KCNQ1: variants seen among roughly 807,000 people sequenced by gnomAD.
KCNQ1 encodes potassium voltage-gated channel subfamily Q member 1.
KCNQ1 carries 49 observed loss-of-function variants against 72.4 expected under a neutral mutation model. The ratio of observed to expected loss-of-function variants is 0.68; its 90% CI spans 0.54 to 0.86. The LOEUF (loss-of-function observed/expected upper bound fraction) is 0.86. KCNQ1 is among the 40% of genes least tolerant of loss of function. The pLI is 0.00. For synonymous variants in KCNQ1, 450 were observed against 412.6 expected, an observed-to-expected ratio of 1.09 and a Z score of -1.10; for missense variants, 790 against 945.1, an observed-to-expected ratio of 0.84 and a Z score of 2.15.
intron 10 of KCNQ1, chr11:2,644,436 T>A: frequency 2.5e-6 from 1 of 398,396 alleles, no homozygotes. Context: ...TGGTTCTTTT[T>A]ATATCTATCT....
chr11:2,844,683 C>G (rs985229865), intron 15 of KCNQ1, among the ~76,000 whole-genome samples: 1 of 152,236 alleles, frequency 6.6e-6, no homozygotes, highest in Non-Finnish European at 1.5e-5. Context: ...CTGCCTGCGG[C>G]CCTGACACCC....
chr11:2,740,065 G>C lies in KCNQ1; in HGVS notation c.1515-28779G>C, dbSNP rs150631313. ...TTCACCCTGAGCGTGCTGCTGCCTA[G>C]GCCCTGAACAGACAGAGGCAAGCCC... On this transcript the variant is annotated intron_variant, in intron 11 of 15. Transcript: ENST00000155840. Among the ~76,000 whole-genome samples the C allele has an allele frequency of 8.4e-3, 1,272 of 152,308 alleles. 26 individuals carry two copies. The highest frequency in any genetic ancestry group is 0.029 in the African/African-American group (1,206 of 41,552).
Position 2,678,874 on chromosome 11 carries a change from T to G in KCNQ1, c.1514+16793T>G. 1 of 398,608 alleles carries G rather than the reference T, an allele frequency of 2.5e-6. No homozygotes were observed. The highest frequency in any genetic ancestry group is 3.6e-5 in the East Asian group (1 of 28,082). The allele number at this position is 398,608 out of a possible 1,614,324, so 24.7% of individuals were successfully genotyped here. On this transcript the variant is annotated intron_variant, in intron 11 of 15. Transcript: ENST00000155840. The surrounding 1 kb of genome is among the most constrained non-coding windows in gnomAD (Gnocchi z 4.9). ...TCGGGGGTGCACAGGAGTTGCCAGC[T>G]GGACCCAAGGACCATTTCGTATACA... is the stretch of plus-strand genomic sequence containing the variant.
At position 2,601,133 on chromosome 11, in the gene KCNQ1, G is replaced by A. The variant is rs943064436; in HGVS notation, c.1393+12279G>A. On this transcript the variant is annotated intron_variant, in intron 10 of 15. Coordinates refer to ENST00000155840, the MANE Select transcript of KCNQ1 (RefSeq NM_000218.3). This position sits in a 1 kb window ranked among gnomAD's most constrained non-coding sequence, Gnocchi z 5.2. ...CAGATTTAAATGCTTTTGGAAACCA[G>A]GCTTTACTGTGGTAGTTGCAAAAAT... is the stretch of plus-strand genomic sequence containing the variant. Among the ~76,000 whole-genome samples the A allele has an allele frequency of 3.3e-5, 5 of 150,558 alleles. No homozygotes were observed. Among genetic ancestry groups the A allele is most frequent in the Admixed American group, 3.3e-4 (5 of 15,136 alleles).
chr11:2,537,248 G>A lies in KCNQ1; in HGVS notation c.477+9230G>A, dbSNP rs1340061481. Among the ~76,000 whole-genome samples the A allele has an allele frequency of 6.6e-6, 1 of 151,894 alleles. No individual in the cohort carries two copies. The highest frequency in any genetic ancestry group is 1.5e-5 in the Non-Finnish European group (1 of 68,024). ...ACATACTTGAGGGCCTAATGCCTCTGGCTGCTTTGTGCCATGGCAGATTTG... is the reference window on the plus strand; with the variant it reads ...ACATACTTGAGGGCCTAATGCCTCTAGCTGCTTTGTGCCATGGCAGATTTG... On this transcript the variant is annotated intron_variant, in intron 2 of 15. Transcript: ENST00000155840. The surrounding 1 kb of genome is among the most constrained non-coding windows in gnomAD (Gnocchi z 5.2).
chr11:2,640,704 C>G, intron 10 of KCNQ1: 1 of 398,380 alleles, frequency 2.5e-6, no homozygotes, highest in Admixed American at 4.4e-5. Flanking sequence ...TTCAAGTCCT[C>G]TTTTTTATTT....
chr11:2,608,605 G>C lies in KCNQ1; in HGVS notation c.1393+19751G>C. The C allele has an allele frequency of 5.0e-6, 2 of 398,438 alleles. No homozygotes were observed. The highest frequency in any genetic ancestry group is 8.8e-6 in the Non-Finnish European group (2 of 226,048). The allele number at this position is 398,438 out of a possible 1,614,324, so 24.7% of individuals were successfully genotyped here. On this transcript the variant is annotated intron_variant, in intron 10 of 15. Transcript: ENST00000155840. The surrounding 1 kb of genome is among the most constrained non-coding windows in gnomAD (Gnocchi z 4.6). Reference sequence around the variant, plus strand: ...ATCCTTGCCCCTTAGCCTATGACAGGTGTGCACCACAACACCAGCTGTTAT... The same window carrying C: ...ATCCTTGCCCCTTAGCCTATGACAGCTGTGCACCACAACACCAGCTGTTAT...
At chr11:2,774,026 T>C (rs1417540512) in intron 12 of KCNQ1, among the ~76,000 whole-genome samples, 6 of 151,858 alleles carry the variant, frequency 4.0e-5, no homozygotes, top group Non-Finnish European at 4.4e-5. Flanking sequence ...CATCCCATCT[T>C]ACAGAAAAGA....
chr11:2,621,543 T>C lies in KCNQ1; in HGVS notation c.1393+32689T>C, dbSNP rs748675183. The stretch of plus-strand genomic sequence containing the variant: ...ATTTCTTTTGCTATGCAGAAGCTCT[T>C]TAGTTTACCACTGTGATCTCTTTGC... On this transcript the variant is annotated intron_variant, in intron 10 of 15. Coordinates refer to ENST00000155840, the MANE Select transcript of KCNQ1 (RefSeq NM_000218.3). The surrounding 1 kb of genome is among the most constrained non-coding windows in gnomAD (Gnocchi z 5.7). 125 of 398,452 alleles carry C rather than the reference T, an allele frequency of 3.1e-4. No individual in the cohort carries two copies. The highest frequency in any genetic ancestry group is 4.9e-4 in the Non-Finnish European group (111 of 226,054). The allele number at this position is 398,452 out of a possible 1,614,324, so 24.7% of individuals were successfully genotyped here. A position where few individuals can be genotyped will look rare whatever the true frequency, so the allele number is the denominator to read the frequency against.
intron 15 of KCNQ1, among the ~76,000 whole-genome samples, chr11:2,819,490 A>G (rs534421792): frequency 2.1e-4 from 32 of 152,242 alleles, no homozygotes; most frequent in African/African-American, 7.7e-4. Context: ...CTGACATTGA[A>G]CCTTCCTTGA....
intron 11 of KCNQ1, among the ~76,000 whole-genome samples, chr11:2,765,482 C>A (rs1171293470): frequency 6.6e-6 from 1 of 152,164 alleles, no homozygotes; most frequent in Non-Finnish European, 1.5e-5. Flanking sequence ...TTGTAGGGAG[C>A]AGTGTTCTGT....
rs1846705216 is a variant in KCNQ1 at position 2,484,549 on chromosome 11, G to C, written c.386+39065G>C. ...TTCAGCTTCCATGCCCCTTTGGTGG[G>C]CCCTGTCTTTTCTTGGACACTGCCT... On this transcript the variant is annotated intron_variant, in intron 1 of 15. Transcript: ENST00000155840. The surrounding 1 kb of genome is among the most constrained non-coding windows in gnomAD (Gnocchi z 5.2). Among the ~76,000 whole-genome samples, 1 of 152,144 alleles carries C rather than the reference G, an allele frequency of 6.6e-6. No individual in the cohort carries two copies. The highest frequency in any genetic ancestry group is 2.1e-4 in the South Asian group (1 of 4,830).
At chr11:2,622,454 T>C in intron 10 of KCNQ1, 1 of 398,390 alleles carries the variant, frequency 2.5e-6, no homozygotes, top group Non-Finnish European at 4.4e-6. Flanking sequence ...CAAAAGTGAG[T>C]TTGTTATATA....
intron 3 of KCNQ1, 22 bp from the exon 4 acceptor site, chr11:2,571,303 C>G: frequency 6.2e-7 from 1 of 1,604,810 alleles, no homozygotes; most frequent in African/African-American, 1.3e-5. Flanking sequence ...ACGAAAAGCT[C>G]CCCCTCTCCT....
chr11:2,479,552 G>A lies in KCNQ1; in HGVS notation c.386+34068G>A, dbSNP rs1361334763. ...CTTTTAGCTATGGCTAGAGCGGCTG[G>A]GACACAGGGCACCAAGTCCCTAGGC... On this transcript the variant is annotated intron_variant, in intron 1 of 15. Transcript: ENST00000155840. The surrounding 1 kb of genome is among the most constrained non-coding windows in gnomAD (Gnocchi z 4.6). Among the ~76,000 whole-genome samples, 5 of 152,178 alleles carry A rather than the reference G, an allele frequency of 3.3e-5. No homozygotes were observed. The highest frequency in any genetic ancestry group is 7.2e-5 in the African/African-American group (3 of 41,430).
Position 2,593,771 on chromosome 11 carries a change from C to T in KCNQ1, c.1393+4917C>T, listed in dbSNP as rs940781320. Among the ~76,000 whole-genome samples the T allele has an allele frequency of 5.9e-5, 9 of 152,212 alleles. No homozygotes were observed. Among genetic ancestry groups the T allele is most frequent in the Non-Finnish European group, 1.0e-4 (7 of 68,046 alleles). ...TAGCCTCCTCCTGCTCCCGGCTCCG[C>T]GTCCTCAGCCCAACACACCAAGCCT... On this transcript the variant is annotated intron_variant, in intron 10 of 15. Coordinates refer to ENST00000155840, the MANE Select transcript of KCNQ1 (RefSeq NM_000218.3). This position sits in a 1 kb window ranked among gnomAD's most constrained non-coding sequence, Gnocchi z 6.9.
chr11:2,622,217 A>G (rs1452894942), intron 10 of KCNQ1: 2 of 398,176 alleles, frequency 5.0e-6, no homozygotes, highest in African/African-American at 2.1e-5. Context: ...ATATTTTCTT[A>G]TATTCTGGGG....
At position 2,847,945 on chromosome 11, in the gene KCNQ1, CCCTGCCCA is replaced by C. The variant is rs1564916573; in HGVS notation, c.1977_1984del (p.Pro660ArgfsTer12). 1 of 1,572,226 alleles carries C rather than the reference CCCTGCCCA, an allele frequency of 6.4e-7. No homozygotes were observed. Among genetic ancestry groups the C allele is most frequent in the Admixed American group, 1.8e-5 (1 of 55,056 alleles). ...CCTGAGCTCTTCCTGCCCAGCAACA[CCCTGCCCA>C]CCTACGAGCAGCTGACCGTGCCCAG... On this transcript the variant is annotated frameshift_variant, in exon 16 of 16. Transcript: ENST00000155840. LOFTEE classifies it high-confidence loss of function.
Position 2,624,689 on chromosome 11 carries a change from A to T in KCNQ1, c.1393+35835A>T, listed in dbSNP as rs1849234834. On this transcript the variant is annotated intron_variant, in intron 10 of 15. Transcript: ENST00000155840. This position sits in a 1 kb window ranked among gnomAD's most constrained non-coding sequence, Gnocchi z 4.9. ...CATCACTATCATCCATCTCCATAACACTTGTCATTTGTAATTATGAAACTC... is the reference window on the plus strand; with the variant it reads ...CATCACTATCATCCATCTCCATAACTCTTGTCATTTGTAATTATGAAACTC... 2.5e-6 allele frequency: 1 copy of T among 398,398 alleles called. No individual in the cohort carries two copies. Among genetic ancestry groups the T allele is most frequent in the Non-Finnish European group, 4.4e-6 (1 of 226,042 alleles). 24.7% of individuals were successfully genotyped at this position (398,398 alleles called of 1,614,324 possible). A position where few individuals can be genotyped will look rare whatever the true frequency, so the allele number is the denominator to read the frequency against.
Sources: gnomAD v4.1 joint callset for allele counts (sites outside exome capture counted in the v4.1 genomes callset) on GRCh38, gnomAD v4.1.1 for gene constraint, Gnocchi (gnomAD v3.1) non-coding constraint, MANE v1.5 for transcripts, NCBI Gene and HGNC (gene_info 2026-07-23, HGNC 2026-07-21) for gene names.